The following MSN variants were observed in gnomAD, a reference collection of about 807,000 sequenced individuals.
MSN encodes the protein moesin.
Under a neutral mutation model 48.0 loss-of-function variants are expected in MSN, and 2 were observed. The observed-to-expected ratio is 0.04, with a 90% CI of 0.02 to 0.13. The LOEUF is 0.13. MSN is among the 10% of genes least tolerant of loss of function. The pLI is 1.00. For synonymous variants in MSN, 146 were observed against 166.9 expected, an observed-to-expected ratio of 0.87 and a Z score of 0.97; for missense variants, 267 against 470.1, an observed-to-expected ratio of 0.57 and a Z score of 3.99.
chrX:65,727,161 G>T (rs761518080), intron 2 of MSN, among the ~76,000 whole-genome samples: 1 of 111,935 alleles, frequency 8.9e-6, no homozygotes, highest in African/African-American at 3.3e-5. Flanking sequence ...CACAATCCCC[G>T]TTTTATCTTC....
intron 1 of MSN, among the ~76,000 whole-genome samples, chrX:65,623,368 C>CTTTTTTTTT (rs773663630): frequency 2.4e-4 from 18 of 73,998 alleles, no homozygotes; most frequent in Middle Eastern, 8.4e-3. Context: ...TCTTTCTTTT[C>CTTTTTTTTT]TTTTTTTTTT....
At chrX:65,737,866 A>C (rs2071693966) in intron 10 of MSN, among the ~76,000 whole-genome samples, 1 of 112,090 alleles carries the variant, frequency 8.9e-6, no homozygotes, top group African/African-American at 3.2e-5. Flanking sequence ...ATGCAAAACT[A>C]TGTGTCTATG....
intron 1 of MSN, among the ~76,000 whole-genome samples, chrX:65,623,666 C>T (rs1014621557): frequency 9.2e-6 from 1 of 109,202 alleles, no homozygotes; most frequent in Non-Finnish European, 1.9e-5. Context: ...CAAAAATTAC[C>T]TGGGGCATGG....
chrX:65,596,580 T>C lies in MSN; in HGVS notation c.-22+7968T>C, dbSNP rs992370580. Among the ~76,000 whole-genome samples, 3 of 109,270 alleles carry C rather than the reference T, an allele frequency of 2.7e-5. No homozygotes were observed. The Admixed American group carries it at 2.9e-4, about 11-fold the overall frequency. The allele number at this position is 109,270 out of a possible 115,157, so 94.9% of individuals were successfully genotyped here. Reference sequence around the variant, plus strand: ...GAGTAGTGTCTTGTTTTGTCAAAGCTCTTTCCTATTTTTCTTTTTCTTTTT... The same window carrying C: ...GAGTAGTGTCTTGTTTTGTCAAAGCCCTTTCCTATTTTTCTTTTTCTTTTT... On this transcript the variant is annotated intron_variant, in intron 1 of 3. Transcript: ENST00000609672.
chrX:65,677,465 A>G (rs2071011475), intron 1 of MSN, among the ~76,000 whole-genome samples: 1 of 112,350 alleles, frequency 8.9e-6, no homozygotes, highest in South Asian at 3.7e-4. Flanking sequence ...TATTAGAAAG[A>G]GGCACATGGA....
At chrX:65,729,814 T>C (rs990222572) in intron 4 of MSN, 102 bp downstream of exon 4, 18 of 878,397 alleles carry the variant, frequency 2.0e-5, no homozygotes, top group Admixed American at 9.5e-5. Context: ...TTCTTCTCCA[T>C]TGGGGTCTGT....
At chrX:65,696,329 CAT>C (rs1165189426) in intron 1 of MSN, among the ~76,000 whole-genome samples, 2 of 111,304 alleles carry the variant, frequency 1.8e-5, no homozygotes, top group Non-Finnish European at 3.8e-5. Context: ...TATGTGTATA[CAT>C]ATGTCTGTGT....
At chrX:65,679,384 C>G (rs1353642031) in intron 1 of MSN, among the ~76,000 whole-genome samples, 2 of 111,930 alleles carry the variant, frequency 1.8e-5, no homozygotes, top group South Asian at 7.4e-4. Flanking sequence ...GCTCCCTTTC[C>G]CCTTCCTCTA....
At chrX:65,589,828 C>T in intron 1 of MSN, 1 of 112,737 alleles carries the variant, frequency 8.9e-6, no homozygotes, top group Non-Finnish European at 1.9e-5. Context: ...CTGCTCAGGG[C>T]CCACTGGTCC....
intron 1 of MSN, among the ~76,000 whole-genome samples, chrX:65,646,107 T>C (rs1206098917): frequency 2.7e-5 from 3 of 112,245 alleles, no homozygotes; most frequent in African/African-American, 9.7e-5. Context: ...ATATTCAACC[T>C]CTACTACCAT....
chrX:65,617,890 G>T (rs1293719448), intron 1 of MSN, among the ~76,000 whole-genome samples: 2 of 110,027 alleles, frequency 1.8e-5, no homozygotes, highest in South Asian at 4.0e-4. Flanking sequence ...GCATCCCAGA[G>T]ATTCTGGTAT....
intron 1 of MSN, among the ~76,000 whole-genome samples, chrX:65,600,268 T>C (rs1268482546): frequency 1.8e-5 from 2 of 111,213 alleles, no homozygotes; most frequent in East Asian, 5.7e-4. Context: ...AGAGTTTGTG[T>C]GTCTCCCAAT....
Position 65,716,909 on chromosome X carries a change from G to C in MSN, c.96+8G>C. 2.5e-6 allele frequency: 3 copies of C among 1,203,083 alleles called. No individual in the cohort carries two copies. The highest frequency in any genetic ancestry group is 3.4e-6 in the Non-Finnish European group (3 of 888,633). On this transcript the variant is annotated splice_region_variant and intron_variant, in intron 2 of 12. Transcript: ENST00000360270. ...AAGCAGCTATTTGACCAGGTAAGGC[G>C]GAGACTCCTTAGCCTCCTCTCCTTC...
chrX:65,711,400 T>A (rs2071414151), intron 1 of MSN, among the ~76,000 whole-genome samples: 1 of 111,011 alleles, frequency 9.0e-6, no homozygotes, highest in East Asian at 2.8e-4. Flanking sequence ...TTCACCATGT[T>A]GGCCAGGCTG....
chrX:65,711,587 ATAAC>A (rs1206327586), intron 1 of MSN, among the ~76,000 whole-genome samples: 1 of 112,853 alleles, frequency 8.9e-6, no homozygotes, highest in Non-Finnish European at 1.9e-5. Context: ...TACAGTGGCA[ATAAC>A]TAACTAATAA....
intron 1 of MSN, among the ~76,000 whole-genome samples, chrX:65,642,491 G>C (rs759064717): frequency 5.0e-4 from 56 of 111,100 alleles, no homozygotes; most frequent in African/African-American, 1.8e-3. Flanking sequence ...CACACAAAGC[G>C]ACACAAGTCA....
In MSN at chrX:65,707,410, A is replaced by G. The variant is rs186825560; in HGVS notation, c.13-9408A>G. On this transcript the variant is annotated intron_variant, in intron 1 of 12. Coordinates refer to ENST00000360270, the MANE Select transcript of MSN (RefSeq NM_002444.3). ...ATGACACTCCTCCTTCCCCAAACACACATGCAGACATTTTGTTATTGTTCC... is the reference window on the plus strand; with the variant it reads ...ATGACACTCCTCCTTCCCCAAACACGCATGCAGACATTTTGTTATTGTTCC... Among the ~76,000 whole-genome samples, 244 of 112,112 alleles carry G rather than the reference A, an allele frequency of 2.2e-3. 1 individual carries two copies. The highest frequency in any genetic ancestry group is 7.4e-3 in the African/African-American group (227 of 30,862).
intron 1 of MSN, among the ~76,000 whole-genome samples, chrX:65,658,682 T>G (rs1482204999): frequency 1.8e-5 from 2 of 111,300 alleles, no homozygotes; most frequent in African/African-American, 6.5e-5. Context: ...GAATGCCACT[T>G]GAAATGCAGA....
At chrX:65,600,372 C>T (rs1243316843) in intron 1 of MSN, among the ~76,000 whole-genome samples, 2 of 111,693 alleles carry the variant, frequency 1.8e-5, no homozygotes, top group East Asian at 5.6e-4. Context: ...CGTGTTTCAC[C>T]TAATCCATGC....
Sources: allele counts gnomAD v4.1 joint callset (sites outside exome capture counted in the v4.1 genomes callset), GRCh38; gene constraint gnomAD v4.1.1; transcripts MANE v1.5; gene names NCBI Gene and HGNC (gene_info 2026-07-23, HGNC 2026-07-21).